The following ADGRL3 variants were observed in gnomAD, a reference collection of about 807,000 sequenced individuals.
ADGRL3 encodes the protein calcium-independent alpha-latrotoxin receptor 3.
A neutral mutation model predicts 153.5 loss-of-function variants in ADGRL3; 62 were observed. The observed-to-expected ratio is 0.40, with a 90% CI of 0.33 to 0.50. The LOEUF (loss-of-function observed/expected upper bound fraction) is 0.50, where lower values mean the gene tolerates loss of function less well. Among genes scored for constraint, ADGRL3 ranks in the 20% least tolerant of loss-of-function variants. The pLI is 0.47. For synonymous variants in ADGRL3, 710 were observed against 672.5 expected (o/e 1.06, Z -0.86); for missense variants, 1,641 against 1,859.4 (o/e 0.88, Z 2.16).
intron 4 of ADGRL3, among the ~76,000 whole-genome samples, chr4:61,552,755 C>A (rs888224183): frequency 2.0e-5 from 3 of 152,160 alleles, no homozygotes; most frequent in Admixed American, 2.0e-4. Flanking sequence ...AGGCATGAAC[C>A]ACCGTGTCCC....
intron 2 of ADGRL3, among the ~76,000 whole-genome samples, chr4:61,407,487 C>T (rs543909017): frequency 7.9e-5 from 12 of 152,156 alleles, no homozygotes; most frequent in African/African-American, 2.9e-4. Flanking sequence ...TGGTGGTTCT[C>T]ACAAATTTTC....
intron 4 of ADGRL3, among the ~76,000 whole-genome samples, chr4:61,582,412 C>A (rs569206967): frequency 6.6e-6 from 1 of 152,062 alleles, no homozygotes; most frequent in South Asian, 2.1e-4. Flanking sequence ...TTGTTCAGCT[C>A]CCACTTATAA....
intron 2 of ADGRL3, among the ~76,000 whole-genome samples, chr4:61,451,775 G>C (rs2097677245): frequency 6.6e-6 from 1 of 152,092 alleles, no homozygotes; most frequent in African/African-American, 2.4e-5. Context: ...TCATAACCTA[G>C]TTTTGATATA....
intron 5 of ADGRL3, among the ~76,000 whole-genome samples, chr4:61,641,152 TAAG>T (rs2093647827): frequency 6.6e-6 from 1 of 152,130 alleles, no homozygotes; most frequent in Admixed American, 6.6e-5. Flanking sequence ...AAAATAGGAA[TAAG>T]AATAATAATA....
intron 9 of ADGRL3, 47 bp from the exon 10 acceptor site, chr4:61,892,609 T>G: frequency 7.1e-7 from 1 of 1,399,904 alleles, no homozygotes; most frequent in Non-Finnish European, 1.0e-6. Flanking sequence ...CTTGAGGTCC[T>G]CCTGTGAACA....
chr4:61,892,655 G>T lies in ADGRL3; in HGVS notation c.1481-1G>T. ...GTGTTTTCTTTCTAATTTTATTTCA[G>T]ATATCTCTACCACAGGACCTCTTGG... is the stretch of plus-strand genomic sequence containing the variant. On this transcript the variant is annotated splice_acceptor_variant, in intron 9 of 26. Coordinates refer to ENST00000683033, the MANE Select transcript of ADGRL3 (RefSeq NM_001387552.1). LOFTEE classifies it high-confidence loss of function. 1.2e-6 allele frequency: 2 copies of T among 1,612,820 alleles called. No homozygotes were observed. The highest frequency in any genetic ancestry group is 1.7e-6 in the Non-Finnish European group (2 of 1,179,006).
chr4:61,662,967 A>C (rs1258453320), intron 5 of ADGRL3, among the ~76,000 whole-genome samples: 1 of 152,102 alleles, frequency 6.6e-6, no homozygotes, highest in African/African-American at 2.4e-5. Flanking sequence ...CTGAATATTC[A>C]TCAGGACACC....
Position 62,062,122 on chromosome 4 carries a change from T to C in ADGRL3, c.3815-6044T>C, listed in dbSNP as rs186905557. On this transcript the variant is annotated intron_variant, in intron 25 of 26. Coordinates refer to ENST00000683033, the MANE Select transcript of ADGRL3 (RefSeq NM_001387552.1). ...ATTTCTCTGCATTCTTGCCATCGTTTAATGTTTTTCACCATTTTTATTTTA... is the reference window on the plus strand; with the variant it reads ...ATTTCTCTGCATTCTTGCCATCGTTCAATGTTTTTCACCATTTTTATTTTA... Among the ~76,000 whole-genome samples, 326 of 152,172 alleles carry C rather than the reference T, an allele frequency of 2.1e-3. 1 individual carries two copies. Among genetic ancestry groups the C allele is most frequent in the Non-Finnish European group, 3.7e-3 (251 of 67,934 alleles).
At chr4:61,796,794 A>G (rs2097420168) in intron 8 of ADGRL3, among the ~76,000 whole-genome samples, 1 of 152,204 alleles carries the variant, frequency 6.6e-6, no homozygotes, top group Non-Finnish European at 1.5e-5. Flanking sequence ...TTGTTTAAAC[A>G]TTAATGAATC....
chr4:61,328,060 G>C (rs560779415), intron 1 of ADGRL3, among the ~76,000 whole-genome samples: 1 of 152,146 alleles, frequency 6.6e-6, no homozygotes, highest in East Asian at 1.9e-4. Flanking sequence ...GATTGCTTTG[G>C]ATTGGCAAAA....
At chr4:61,803,393 A>C (rs1251889102) in intron 8 of ADGRL3, among the ~76,000 whole-genome samples, 1 of 152,100 alleles carries the variant, frequency 6.6e-6, no homozygotes, top group Non-Finnish European at 1.5e-5. Flanking sequence ...TGTTAGGTAA[A>C]CAGGTCTGAT....
At position 61,753,768 on chromosome 4, in the gene ADGRL3, A is replaced by G. The variant is rs542091514; in HGVS notation, c.1399+20214A>G. On this transcript the variant is annotated intron_variant, in intron 8 of 26. Transcript: ENST00000683033. Reference sequence around the variant, plus strand: ...AGTAAGACTAATTTGATAGCAAAATAAGTCCAACCCCATTAAACTTTTCCT... The same window carrying G: ...AGTAAGACTAATTTGATAGCAAAATGAGTCCAACCCCATTAAACTTTTCCT... Among the ~76,000 whole-genome samples the G allele has an allele frequency of 2.3e-4, 35 of 152,338 alleles. 1 individual carries two copies. The South Asian group carries it at 6.4e-3, about 28-fold the overall frequency.
rs538490183 is a variant in ADGRL3 at position 61,931,717 on chromosome 4, G to A, written c.2113-3123G>A. ...CATAACTCACCAAATTCTAGGTTTG[G>A]GGGCCACATTTTGAGTGTGTTGCTT... On this transcript the variant is annotated intron_variant, in intron 13 of 26. Coordinates refer to ENST00000683033, the MANE Select transcript of ADGRL3 (RefSeq NM_001387552.1). 4.3e-4 allele frequency among the ~76,000 whole-genome samples: 66 copies of A among 152,196 alleles called. 2 individuals are homozygous for A. Among genetic ancestry groups the A allele is most frequent in the African/African-American group, 1.5e-3 (63 of 41,530 alleles).
intron 8 of ADGRL3, among the ~76,000 whole-genome samples, chr4:61,804,574 A>G (rs2097533270): frequency 6.6e-6 from 1 of 152,184 alleles, no homozygotes; most frequent in Admixed American, 6.5e-5. Context: ...TACTGGAGAT[A>G]TTAAAAATTT....
rs78328284 is a variant in ADGRL3 at position 61,639,317 on chromosome 4, T to C, written c.474-37509T>C. Among the ~76,000 whole-genome samples, 13 of 152,258 alleles carry C rather than the reference T, an allele frequency of 8.5e-5. No homozygotes were observed. In the East Asian group the frequency reaches 1.2e-3, roughly 14 times the overall value. ...TTATAAGTGTCTTAGGTGTAAGATA[T>C]GAGTTTGGGATGATGTTTAATGTAG... is the stretch of plus-strand genomic sequence containing the variant. On this transcript the variant is annotated intron_variant, in intron 5 of 26. Transcript: ENST00000683033.
Position 62,037,847 on chromosome 4 carries a change from A to G in ADGRL3, c.3708A>G (p.Thr1236=). The change falls in exon 24 of 27, where the codon ACA becomes ACG. Residue 1236 remains threonine, a synonymous_variant. Transcript: ENST00000683033. ...SGSRTPGRYS[T]GSQSRIRRMW... Reference sequence around the variant, plus strand: ...CTCGAACTCCTGGACGCTACTCCACAGGCTCACAGGTAAACAATATTTGTT... The same window carrying G: ...CTCGAACTCCTGGACGCTACTCCACGGGCTCACAGGTAAACAATATTTGTT... 1 of 1,613,730 alleles carries G rather than the reference A, an allele frequency of 6.2e-7. No homozygotes were observed.
intron 8 of ADGRL3, among the ~76,000 whole-genome samples, chr4:61,797,105 C>T (rs538816567): frequency 2.6e-5 from 4 of 152,234 alleles, no homozygotes; most frequent in African/African-American, 4.8e-5. Flanking sequence ...AAGCCCTTGC[C>T]TTTTATCCTT....
intron 1 of ADGRL3, among the ~76,000 whole-genome samples, chr4:61,290,681 A>AGGAG (rs2094141847): frequency 6.7e-6 from 1 of 149,888 alleles, no homozygotes; most frequent in African/African-American, 2.5e-5. Context: ...GAAGGAAGGA[A>AGGAG]GGAAGGAGGG....
chr4:61,879,129 T>C (rs1271212534), intron 9 of ADGRL3, among the ~76,000 whole-genome samples: 1 of 152,172 alleles, frequency 6.6e-6, no homozygotes, highest in Non-Finnish European at 1.5e-5. Flanking sequence ...GAGTTGACAA[T>C]ATATTGGCAT....
Sources: gnomAD v4.1 joint callset for allele counts (sites outside exome capture counted in the v4.1 genomes callset) on GRCh38, gnomAD v4.1.1 for gene constraint, MANE v1.5 for transcripts, NCBI Gene and HGNC (gene_info 2026-07-23, HGNC 2026-07-21) for gene names.